The following MAP2K1 variants were observed in gnomAD, a reference collection of about 807,000 sequenced individuals.
MAP2K1 encodes the protein mitogen-activated protein kinase kinase 1.
A neutral mutation model predicts 46.3 loss-of-function variants in MAP2K1; 16 were observed. The observed-to-expected ratio is 0.35, with a 90% CI of 0.23 to 0.52. The LOEUF is 0.52. Ranked by LOEUF, MAP2K1 falls within the 20% of genes least tolerant of loss-of-function variation. The pLI is 0.94. For synonymous variants in MAP2K1, 183 were observed against 185.6 expected (o/e 0.99, Z 0.11); for missense variants, 263 against 497.1 (o/e 0.53, Z 4.48).
intron 5 of MAP2K1, among the ~76,000 whole-genome samples, chr15:66,477,502 G>T (rs1249901684): frequency 6.6e-6 from 1 of 152,174 alleles, no homozygotes; most frequent in Non-Finnish European, 1.5e-5. Flanking sequence ...ATCAATCCTG[G>T]TCTGTAACTT....
intron 5 of MAP2K1, among the ~76,000 whole-genome samples, chr15:66,445,870 CTTT>C (rs956191523): frequency 1.4e-5 from 2 of 144,098 alleles, no homozygotes; most frequent in South Asian, 4.4e-4. Flanking sequence ...AATGTTACAT[CTTT>C]TTTTTTTTTT....
chr15:66,414,837 A>G, intron 1 of MAP2K1: 2 of 232,954 alleles, frequency 8.6e-6, no homozygotes, highest in South Asian at 9.2e-5. Context: ...TCCCATTAGG[A>G]TATGAAAGGA....
chr15:66,434,523 C>T lies in MAP2K1; in HGVS notation c.81-504C>T, dbSNP rs1256408129. Among the ~76,000 whole-genome samples, 3 of 152,044 alleles carry T rather than the reference C, an allele frequency of 2.0e-5. 1 individual carries two copies. The highest frequency in any genetic ancestry group is 4.4e-5 in the Non-Finnish European group (3 of 67,990). ...TAATTTTTATGATTTTTTGCTGTGA[C>T]TTTTTTGATTAACCTGGTTCCTGGA... On this transcript the variant is annotated intron_variant, in intron 1 of 10. Transcript: ENST00000307102.
chr15:66,407,850 A>C (rs1365998875), intron 1 of MAP2K1, among the ~76,000 whole-genome samples: 2 of 152,254 alleles, frequency 1.3e-5, no homozygotes, highest in East Asian at 3.8e-4. Context: ...TGTTAAAAAC[A>C]AAACAAAAGA....
rs1329552877 is a variant in MAP2K1, at chr15:66,420,845, GTATATATA to G, written c.81-14180_81-14173del. 3.0e-4 allele frequency among the ~76,000 whole-genome samples: 33 copies of G among 109,710 alleles called. 6 individuals carry two copies. Among genetic ancestry groups the G allele is most frequent in the East Asian group, 7.3e-4 (3 of 4,084 alleles). The allele number at this position is 109,710 out of a possible 152,430, so 72.0% of individuals were successfully genotyped here. A position where few individuals can be genotyped will look rare whatever the true frequency, so the allele number is the denominator to read the frequency against. On this transcript the variant is annotated intron_variant, in intron 1 of 10. Coordinates refer to ENST00000307102, the MANE Select transcript of MAP2K1 (RefSeq NM_002755.4). ...TATATATATGTGTATATATATGTGTGTATATATATGTGTGTATATATATGTGTGTATAT... is the reference window on the plus strand; with the variant it reads ...TATATATATGTGTATATATATGTGTGTGTGTGTATATATATGTGTGTATAT...
chr15:66,404,172 A>C (rs1279054055), intron 1 of MAP2K1, among the ~76,000 whole-genome samples: 1 of 152,182 alleles, frequency 6.6e-6, no homozygotes, highest in Admixed American at 6.5e-5. Flanking sequence ...GAGCCAAGGA[A>C]AGGTACCGTT....
chr15:66,490,041 G>A lies in MAP2K1; in HGVS notation c.1068+278G>A, dbSNP rs962814600. On this transcript the variant is annotated intron_variant, in intron 10 of 10. Transcript: ENST00000307102. ...GCCAGCCCACCCCCTTCATGGGGAT[G>A]CGGCCTTTCCCTAATACTGACTGCC... is the stretch of plus-strand genomic sequence containing the variant. 1.9e-5 allele frequency: 11 copies of A among 570,352 alleles called. No homozygotes were observed. In the African/African-American group the frequency reaches 2.1e-4, roughly 11 times the overall value. The allele number at this position is 570,352 out of a possible 1,614,324, so 35.3% of individuals were successfully genotyped here.
chr15:66,447,543 T>A (rs889227929), intron 5 of MAP2K1, among the ~76,000 whole-genome samples: 1 of 150,712 alleles, frequency 6.6e-6, no homozygotes, highest in African/African-American at 2.4e-5. Context: ...ACACAAAAAT[T>A]AGCTGCGTGT....
intron 8 of MAP2K1, among the ~76,000 whole-genome samples, chr15:66,488,097 C>T (rs1484523681): frequency 6.6e-6 from 1 of 150,550 alleles, no homozygotes; most frequent in African/African-American, 2.5e-5. Context: ...TCCTAGGAGG[C>T]TTGGCTGCAT....
chr15:66,417,023 C>G, intron 1 of MAP2K1, among the ~76,000 whole-genome samples: 1 of 152,126 alleles, frequency 6.6e-6, no homozygotes, highest in Non-Finnish European at 1.5e-5. Context: ...GAGGAGCAGG[C>G]CCTTCTAAAC....
At chr15:66,398,646 T>C (rs2093373889) in intron 1 of MAP2K1, among the ~76,000 whole-genome samples, 1 of 151,974 alleles carries the variant, frequency 6.6e-6, no homozygotes, top group African/African-American at 2.4e-5. Flanking sequence ...AGTGAGACCC[T>C]GTCTCAAAAA....
chr15:66,457,414 C>T (rs1308775721), intron 5 of MAP2K1, among the ~76,000 whole-genome samples: 1 of 152,160 alleles, frequency 6.6e-6, no homozygotes, highest in Non-Finnish European at 1.5e-5. Context: ...GCCACTGTGC[C>T]CTGCTGGAAA....
chr15:66,453,599 T>G, intron 5 of MAP2K1: 1 of 702,174 alleles, frequency 1.4e-6, no homozygotes, highest in Non-Finnish European at 2.6e-6. Flanking sequence ...GAGAGCAGTC[T>G]CCTTGTCCCT....
intron 2 of MAP2K1, 121 bp from the exon 3 acceptor site, chr15:66,436,625 C>A: frequency 1.0e-6 from 1 of 981,410 alleles, no homozygotes; most frequent in Non-Finnish European, 1.6e-6. Context: ...TTGTTTGTAA[C>A]AACTTAACCT....
chr15:66,461,375 G>A (rs1892314707), intron 5 of MAP2K1, among the ~76,000 whole-genome samples: 1 of 151,904 alleles, frequency 6.6e-6, no homozygotes, highest in Non-Finnish European at 1.5e-5. Flanking sequence ...ATTCCAGCAG[G>A]CTTAGGCACG....
intron 5 of MAP2K1, among the ~76,000 whole-genome samples, chr15:66,478,962 C>T (rs777034893): frequency 1.3e-5 from 2 of 152,076 alleles, no homozygotes; most frequent in African/African-American, 2.4e-5. Context: ...AGGTGATGAC[C>T]GTTAGAGCAT....
chr15:66,477,808 G>A (rs547484884), intron 5 of MAP2K1, among the ~76,000 whole-genome samples: 2 of 152,290 alleles, frequency 1.3e-5, no homozygotes, highest in Non-Finnish European at 2.9e-5. Flanking sequence ...GGCTTGTGTT[G>A]GAGCCCCTTG....
intron 5 of MAP2K1, among the ~76,000 whole-genome samples, chr15:66,466,058 T>G (rs1892457406): frequency 6.6e-6 from 1 of 152,172 alleles, no homozygotes; most frequent in Non-Finnish European, 1.5e-5. Flanking sequence ...AAAGTGACAT[T>G]CTTTACTTAC....
At chr15:66,490,412 T>TAG in intron 10 of MAP2K1, 90 bp from the exon 11 acceptor site, 1 of 952,246 alleles carries the variant, frequency 1.1e-6, no homozygotes, top group South Asian at 1.3e-5. Flanking sequence ...GCACAAGCTC[T>TAG]AGACCTGAAA....
Sources: allele counts gnomAD v4.1 joint callset (sites outside exome capture counted in the v4.1 genomes callset), GRCh38; gene constraint gnomAD v4.1.1; transcripts MANE v1.5; gene names NCBI Gene and HGNC (gene_info 2026-07-23, HGNC 2026-07-21).